The following LYPD6 variants were observed in gnomAD, a reference collection of about 807,000 sequenced individuals.
The protein encoded by LYPD6 is ly6/PLAUR domain-containing protein 6.
LYPD6 carries 15 observed loss-of-function variants against 22.7 expected under a neutral mutation model. The ratio of observed to expected loss-of-function variants is 0.66; its 90% CI spans 0.44 to 1.02. The LOEUF is 1.02. Ranked by LOEUF, LYPD6 falls within the 50% of genes least tolerant of loss-of-function variation. LYPD6 has a pLI of 0.00. For missense variants in LYPD6, 189 were observed against 208.4 expected (o/e 0.91, Z 0.57); for synonymous variants, 72 against 77.5 (o/e 0.93, Z 0.37).
At chr2:149,432,944 T>TA (rs1309030091) in intron 1 of LYPD6, among the ~76,000 whole-genome samples, 1 of 152,346 alleles carries the variant, frequency 6.6e-6, no homozygotes, top group East Asian at 1.9e-4. Flanking sequence ...AAAATGTTAT[T>TA]AAAAGTTTTT....
chr2:149,365,588 C>T (rs1681645240), intron 1 of LYPD6, among the ~76,000 whole-genome samples: 1 of 151,872 alleles, frequency 6.6e-6, no homozygotes, highest in Non-Finnish European at 1.5e-5. Flanking sequence ...ATTTAGAATT[C>T]TACATATTTA....
intron 1 of LYPD6, among the ~76,000 whole-genome samples, chr2:149,356,421 C>T (rs1000179569): frequency 4.6e-5 from 7 of 152,144 alleles, no homozygotes; most frequent in Admixed American, 2.0e-4. Context: ...TTCAAACACA[C>T]GAGATGTTTT....
chr2:149,402,282 G>A (rs1197687226), intron 1 of LYPD6, among the ~76,000 whole-genome samples: 1 of 151,566 alleles, frequency 6.6e-6, no homozygotes, highest in Non-Finnish European at 1.5e-5. Context: ...TTATCCACAT[G>A]TTAACTGATG....
In LYPD6 at chr2:149,473,204, C is replaced by CTGG. The variant is rs1441778341; in HGVS notation, c.*2357_*2359dup. On this transcript the variant is annotated 3_prime_UTR_variant, in exon 5 of 5. Coordinates refer to ENST00000334166, the MANE Select transcript of LYPD6 (RefSeq NM_194317.5). ...AGTGACCACACCAAAGCCTCCCTGG[C>CTGG]TGGTGTAGAGGGATCAGGTCCACAG... is the stretch of plus-strand genomic sequence containing the variant. 2 of 152,680 alleles carry CTGG rather than the reference C, an allele frequency of 1.3e-5. No homozygotes were observed. The highest frequency in any genetic ancestry group is 4.8e-5 in the African/African-American group (2 of 41,454). 9.5% of individuals were successfully genotyped at this position (152,680 alleles called of 1,614,324 possible).
At chr2:149,424,172 TA>T (rs531353951) in intron 1 of LYPD6, among the ~76,000 whole-genome samples, 8 of 152,150 alleles carry the variant, frequency 5.3e-5, no homozygotes, top group Non-Finnish European at 1.2e-4. Context: ...TAAAAGCAGT[TA>T]TTATGATTAC....
chr2:149,433,886 T>C (rs964089966), intron 1 of LYPD6, among the ~76,000 whole-genome samples: 9 of 152,200 alleles, frequency 5.9e-5, no homozygotes, highest in Admixed American at 5.9e-4. Flanking sequence ...TGTCCTTTAA[T>C]ATATCATTAG....
Position 149,438,341 on chromosome 2 carries a change from T to C in LYPD6, c.118+515T>C, listed in dbSNP as rs143176304. Among the ~76,000 whole-genome samples, 354 of 152,350 alleles carry C rather than the reference T, an allele frequency of 2.3e-3. 1 individual carries two copies. The highest frequency in any genetic ancestry group is 0.02 in the Middle Eastern group (6 of 294). Reference sequence around the variant, plus strand: ...GCCCAGATCCCTGCCCTAGAGTTTCTGATTTGCATGTATCTCAGGCTGTAC... The same window carrying C: ...GCCCAGATCCCTGCCCTAGAGTTTCCGATTTGCATGTATCTCAGGCTGTAC... On this transcript the variant is annotated intron_variant, in intron 2 of 4. Transcript: ENST00000334166.
chr2:149,356,455 C>T (rs1011052376), intron 1 of LYPD6, among the ~76,000 whole-genome samples: 1 of 152,186 alleles, frequency 6.6e-6, no homozygotes. Context: ...GACACATCAC[C>T]TCAGTCTTCC....
At chr2:149,347,508 A>ATTTG (rs1454565769) in intron 1 of LYPD6, among the ~76,000 whole-genome samples, 1 of 152,172 alleles carries the variant, frequency 6.6e-6, no homozygotes, top group Non-Finnish European at 1.5e-5. Context: ...AATGGAATTG[A>ATTTG]TTTGTTAAAG....
chr2:149,368,830 G>T (rs547456315), intron 1 of LYPD6, among the ~76,000 whole-genome samples: 2 of 152,260 alleles, frequency 1.3e-5, no homozygotes, highest in Non-Finnish European at 2.9e-5. Flanking sequence ...TGATGGCACT[G>T]GTTGTGGAGC....
intron 2 of LYPD6, among the ~76,000 whole-genome samples, chr2:149,445,459 A>G (rs1413671410): frequency 2.0e-5 from 3 of 152,228 alleles, no homozygotes; most frequent in Non-Finnish European, 4.4e-5. Flanking sequence ...TTCTTCCAAT[A>G]TAAAGCTGTT....
chr2:149,374,231 G>T (rs1423137287), intron 1 of LYPD6, among the ~76,000 whole-genome samples: 3 of 152,100 alleles, frequency 2.0e-5, no homozygotes, highest in Non-Finnish European at 2.9e-5. Flanking sequence ...TGGTTTTGTT[G>T]ACTAAAATAC....
intron 3 of LYPD6, among the ~76,000 whole-genome samples, chr2:149,466,783 A>G (rs187446244): frequency 2.6e-5 from 4 of 152,192 alleles, no homozygotes; most frequent in African/African-American, 9.6e-5. Context: ...TAAGCCTATG[A>G]TCTTATCTGC....
intron 3 of LYPD6, among the ~76,000 whole-genome samples, chr2:149,455,257 GTTTT>G (rs554548181): frequency 7.8e-6 from 1 of 128,014 alleles, no homozygotes. Context: ...TTTCTAGCAA[GTTTT>G]TTTTTTTTTT....
chr2:149,468,187 A>ACACACACC, intron 3 of LYPD6, among the ~76,000 whole-genome samples: 1 of 141,262 alleles, frequency 7.1e-6, no homozygotes, highest in South Asian at 2.4e-4. Context: ...ACACACACAC[A>ACACACACC]CCAGCCACTG....
intron 1 of LYPD6, among the ~76,000 whole-genome samples, chr2:149,414,393 T>C (rs560478197): frequency 6.6e-6 from 1 of 152,320 alleles, no homozygotes; most frequent in South Asian, 2.1e-4. Flanking sequence ...GGAAATAGCT[T>C]ATGGTTTAAA....
chr2:149,438,680 C>G (rs1683489562), intron 2 of LYPD6, among the ~76,000 whole-genome samples: 1 of 152,234 alleles, frequency 6.6e-6, no homozygotes, highest in Non-Finnish European at 1.5e-5. Flanking sequence ...GCAAATCAAA[C>G]ACAGTCCTTG....
chr2:149,344,361 G>A (rs1470765212), intron 1 of LYPD6, among the ~76,000 whole-genome samples: 1 of 152,116 alleles, frequency 6.6e-6, no homozygotes, highest in Non-Finnish European at 1.5e-5. Context: ...TAAGTCAAAG[G>A]CAGTCAAAAA....
At chr2:149,392,604 GTTAT>G (rs1294593938) in intron 1 of LYPD6, among the ~76,000 whole-genome samples, 4 of 152,244 alleles carry the variant, frequency 2.6e-5, no homozygotes, top group Middle Eastern at 3.4e-3. Flanking sequence ...ATGCAGACGT[GTTAT>G]TTATTTATTT....
Sources: gnomAD v4.1 joint callset for allele counts (sites outside exome capture counted in the v4.1 genomes callset) on GRCh38, gnomAD v4.1.1 for gene constraint, MANE v1.5 for transcripts, NCBI Gene and HGNC (gene_info 2026-07-23, HGNC 2026-07-21) for gene names.